Variants in ZNF536 observed in about 807,000 individuals in gnomAD.
ZNF536 encodes the protein zinc finger protein 536.
In ZNF536, 13 loss-of-function variants were observed where a neutral mutation model predicts 84.5. That is an observed-to-expected ratio of 0.15 (90% CI 0.10 to 0.24). The LOEUF (loss-of-function observed/expected upper bound fraction) is 0.24, where lower values mean the gene tolerates loss of function less well. Ranked by LOEUF, ZNF536 falls within the 10% of genes least tolerant of loss-of-function variation. ZNF536 has a pLI of 1.00. For synonymous variants in ZNF536, 811 were observed against 742.5 expected, an observed-to-expected ratio of 1.09 and a Z score of -1.50; for missense variants, 1,536 against 1,747.5, an observed-to-expected ratio of 0.88 and a Z score of 2.16.
intron 1 of ZNF536, among the ~76,000 whole-genome samples, chr19:30,652,841 G>A (rs2049760467): frequency 6.6e-6 from 1 of 152,122 alleles, no homozygotes; most frequent in Non-Finnish European, 1.5e-5. Context: ...ATCCCTGGTG[G>A]CTGTAAAGTC....
intron 1 of ZNF536, among the ~76,000 whole-genome samples, chr19:30,642,378 T>C (rs554026176): frequency 6.6e-6 from 1 of 152,274 alleles, no homozygotes; most frequent in African/African-American, 2.4e-5. Context: ...TAGTCAATCC[T>C]TCCCTGGGGG....
At chr19:30,679,972 C>T (rs985835959) in intron 1 of ZNF536, among the ~76,000 whole-genome samples, 1 of 151,980 alleles carries the variant, frequency 6.6e-6, no homozygotes, top group African/African-American at 2.4e-5. Context: ...TACCCAGGGC[C>T]TCTGTCTCCA....
At chr19:30,668,185 A>G (rs1482795884) in intron 1 of ZNF536, among the ~76,000 whole-genome samples, 1 of 152,186 alleles carries the variant, frequency 6.6e-6, no homozygotes, top group African/African-American at 2.4e-5. Context: ...CTCTCTCTCC[A>G]GGAAATAAAT....
intron 2 of ZNF536, among the ~76,000 whole-genome samples, chr19:30,349,396 A>G (rs2146684491): frequency 6.6e-6 from 1 of 152,256 alleles, no homozygotes; most frequent in South Asian, 2.1e-4. Context: ...GTCAGGTGGA[A>G]AATGTTCCTG....
At chr19:30,255,816 G>A (rs2024887488) in intron 1 of ZNF536, among the ~76,000 whole-genome samples, 1 of 152,230 alleles carries the variant, frequency 6.6e-6, no homozygotes. Context: ...CCCGTCATGG[G>A]AGAATATGTG....
At chr19:30,585,648 C>T (rs2047070193) in intron 1 of ZNF536, among the ~76,000 whole-genome samples, 1 of 152,170 alleles carries the variant, frequency 6.6e-6, no homozygotes, top group Non-Finnish European at 1.5e-5. Context: ...AATCAACAGC[C>T]AGCCCCAGCC....
intron 2 of ZNF536, among the ~76,000 whole-genome samples, chr19:30,456,104 G>T (rs1431374302): frequency 6.6e-6 from 1 of 152,076 alleles, no homozygotes. Context: ...GCAAAAATTG[G>T]CAATGGTTCA....
At chr19:30,388,512 T>C (rs2049440895) in intron 1 of ZNF536, among the ~76,000 whole-genome samples, 1 of 152,080 alleles carries the variant, frequency 6.6e-6, no homozygotes, top group African/African-American at 2.4e-5. Flanking sequence ...CACCCAGCGG[T>C]GGCCATGCCC....
intron 2 of ZNF536, among the ~76,000 whole-genome samples, chr19:30,462,455 C>T (rs1168120617): frequency 1.3e-5 from 2 of 151,874 alleles, no homozygotes; most frequent in Non-Finnish European, 2.9e-5. Context: ...GCTGCGGGTG[C>T]ATGTATCCCT....
At chr19:30,697,089 G>T (rs552718804) in intron 1 of ZNF536, among the ~76,000 whole-genome samples, 7 of 152,182 alleles carry the variant, frequency 4.6e-5, no homozygotes, top group Non-Finnish European at 1.0e-4. Context: ...TACAGTCATG[G>T]CGTAAGGTAA....
At position 30,444,599 on chromosome 19, in the gene ZNF536, G is replaced by A. The variant is rs139757559; in HGVS notation, c.1037G>A (p.Arg346His). 1 of 1,613,730 alleles carries A rather than the reference G, an allele frequency of 6.2e-7. No homozygotes were observed. The highest frequency in any genetic ancestry group is 8.5e-7 in the Non-Finnish European group (1 of 1,180,048). The change falls in exon 2 of 5, where the codon CGC becomes CAC. Residue 346 changes from arginine (R) to histidine (H), a missense_variant. This residue lies in a region of ZNF536 where 25 missense variants were observed against 78.9 expected (regional missense o/e 0.32). Transcript: ENST00000355537. The stretch of plus-strand genomic sequence containing the variant: ...GGCGAGCAGTCGGCCAACGAGTTCC[G>A]CTGCGAGGTGTGCGGTCAGGTGTTC... ...GGGEQSANEF[R>H]CEVCGQVFSQ...
intron 1 of ZNF536, among the ~76,000 whole-genome samples, chr19:30,421,194 A>T (rs1798172485): frequency 6.6e-6 from 1 of 152,196 alleles, no homozygotes; most frequent in South Asian, 2.1e-4. Context: ...AGAAGTCGGT[A>T]GATTTTAAAA....
chr19:30,605,939 G>C (rs1390011644), intron 1 of ZNF536, among the ~76,000 whole-genome samples: 1 of 151,982 alleles, frequency 6.6e-6, no homozygotes, highest in Non-Finnish European at 1.5e-5. Flanking sequence ...GAAAGACTTT[G>C]GCCATTTGAA....
At chr19:30,369,424 T>C (rs1780942262), upstream of ZNF536, among the ~76,000 whole-genome samples, 1 of 152,206 alleles carries the variant, frequency 6.6e-6, no homozygotes, top group Non-Finnish European at 1.5e-5. Flanking sequence ...GGATTTTCTT[T>C]TTGCAAATGA....
chr19:30,687,656 T>C (rs1008566349), intron 1 of ZNF536, among the ~76,000 whole-genome samples: 1 of 152,060 alleles, frequency 6.6e-6, no homozygotes, highest in African/African-American at 2.4e-5. Flanking sequence ...TATCTATATG[T>C]CAGGGAAACA....
intron 1 of ZNF536, among the ~76,000 whole-genome samples, chr19:30,590,836 C>T (rs1361452075): frequency 6.6e-6 from 1 of 152,206 alleles, no homozygotes; most frequent in Non-Finnish European, 1.5e-5. Flanking sequence ...TAAAACAAAG[C>T]CTCTTAGATG....
At chr19:30,512,675 G>A (rs1372241611) in intron 2 of ZNF536, among the ~76,000 whole-genome samples, 1 of 151,346 alleles carries the variant, frequency 6.6e-6, no homozygotes, top group Non-Finnish European at 1.5e-5. Flanking sequence ...TTAGAGTTTT[G>A]TACAATAAAT....
chr19:30,606,229 T>TAATAAAATAA (rs368491547), intron 1 of ZNF536, among the ~76,000 whole-genome samples: 5 of 94,162 alleles, frequency 5.3e-5, no homozygotes, highest in Non-Finnish European at 8.2e-5. Flanking sequence ...TAAAATAAAA[T>TAATAAAATAA]AATAAAATAA....
intron 1 of ZNF536, among the ~76,000 whole-genome samples, chr19:30,590,306 G>T (rs1247587414): frequency 3.9e-5 from 6 of 152,218 alleles, no homozygotes; most frequent in Admixed American, 3.9e-4. Context: ...GCTGACTTGT[G>T]GTGAGGGGTA....
Sources: allele counts gnomAD v4.1 joint callset (sites outside exome capture counted in the v4.1 genomes callset), GRCh38; gene constraint gnomAD v4.1.1; regional missense constraint gnomAD v4.1.1; transcripts MANE v1.5; gene names NCBI Gene and HGNC (gene_info 2026-07-23, HGNC 2026-07-21).